Variants in FILIP1 observed in about 807,000 individuals in gnomAD.
The protein encoded by FILIP1 is filamin A interacting protein 1.
Under a neutral mutation model 102.1 loss-of-function variants are expected in FILIP1, and 61 were observed. That is an observed-to-expected ratio of 0.60 (90% CI 0.49 to 0.74). The LOEUF (loss-of-function observed/expected upper bound fraction) is 0.74. FILIP1 is among the 30% of genes least tolerant of loss of function. The probability of loss-of-function intolerance (pLI) is 0.00; values close to 1 mark genes in which losing one functional copy is unlikely to be tolerated. For missense variants in FILIP1, 1,314 were observed against 1,441.2 expected (o/e 0.91, Z 1.43); for synonymous variants, 491 against 526.9 (o/e 0.93, Z 0.93).
intron 4 of FILIP1, among the ~76,000 whole-genome samples, chr6:75,316,147 A>C (rs1363131818): frequency 6.6e-6 from 1 of 152,218 alleles, no homozygotes; most frequent in Non-Finnish European, 1.5e-5. Flanking sequence ...ATCTGTAAAA[A>C]GTAGGAATAT....
intron 1 of FILIP1, among the ~76,000 whole-genome samples, chr6:75,431,741 TG>T (rs1234064076): frequency 2.0e-5 from 3 of 152,198 alleles, no homozygotes; most frequent in Non-Finnish European, 4.4e-5. Context: ...ATTGGACTCC[TG>T]GGCCAACTGA....
Position 75,315,099 on chromosome 6 carries a change from A to C in FILIP1, c.733T>G (p.Ser245Ala), listed in dbSNP as rs762079751. The C allele has an allele frequency of 6.2e-7, 1 of 1,613,200 alleles. No homozygotes were observed. The highest frequency in any genetic ancestry group is 8.5e-7 in the Non-Finnish European group (1 of 1,179,762). The change falls in exon 5 of 6, where the codon TCC (serine) becomes GCC (alanine). Residue 245 changes from serine (S) to alanine (A), a missense_variant. By Grantham distance (99) the Ser-to-Ala change is moderately conservative. This residue lies in a region of FILIP1 where 494 missense variants were observed against 511.2 expected (regional missense o/e 0.97). Coordinates refer to ENST00000237172, the MANE Select transcript of FILIP1 (RefSeq NM_015687.5). ...TCATCCACCAGCATGAGTGCAAAGGATTTGAGTTTAACAAGCTCATCTCTT... is the reference window on the plus strand; with the variant it reads ...TCATCCACCAGCATGAGTGCAAAGGCTTTGAGTTTAACAAGCTCATCTCTT... Reference protein sequence around the residue: ...KLRDELVKLKSFALMLVDERQ... With the variant: ...KLRDELVKLKAFALMLVDERQ...
intron 1 of FILIP1, among the ~76,000 whole-genome samples, chr6:75,453,684 C>A (rs1778717830): frequency 6.6e-6 from 1 of 152,144 alleles, no homozygotes; most frequent in Non-Finnish European, 1.5e-5. Context: ...TGGTGTTATG[C>A]ACCTCTAGTC....
chr6:75,433,008 C>T (rs1328156158), intron 1 of FILIP1, among the ~76,000 whole-genome samples: 2 of 152,174 alleles, frequency 1.3e-5, no homozygotes, highest in African/African-American at 2.4e-5. Context: ...GACATGAGCT[C>T]ATCCTTTTTT....
intron 4 of FILIP1, among the ~76,000 whole-genome samples, chr6:75,325,963 T>C (rs1407619449): frequency 6.6e-6 from 1 of 152,210 alleles, no homozygotes; most frequent in Non-Finnish European, 1.5e-5. Flanking sequence ...CACATGCATA[T>C]TTTAGCAGTG....
chr6:75,401,807 C>T (rs970912229), intron 2 of FILIP1, among the ~76,000 whole-genome samples: 1 of 152,182 alleles, frequency 6.6e-6, no homozygotes, highest in Admixed American at 6.6e-5. Flanking sequence ...TCCTACCCCA[C>T]TTAACATACA....
chr6:75,363,355 A>G (rs1775231179), intron 2 of FILIP1, among the ~76,000 whole-genome samples: 1 of 152,184 alleles, frequency 6.6e-6, no homozygotes, highest in East Asian at 1.9e-4. Flanking sequence ...CCTCCATTCT[A>G]GTTATAACTT....
chr6:75,329,592 A>G (rs1004069647), intron 4 of FILIP1, among the ~76,000 whole-genome samples: 1 of 152,150 alleles, frequency 6.6e-6, no homozygotes, highest in African/African-American at 2.4e-5. Flanking sequence ...TAAGGGCATG[A>G]TAGTAATTAA....
intron 1 of FILIP1, among the ~76,000 whole-genome samples, chr6:75,468,441 A>G (rs1244399376): frequency 6.6e-6 from 1 of 152,234 alleles, no homozygotes; most frequent in African/African-American, 2.4e-5. Context: ...ATCCACAGAA[A>G]ATAATCAATT....
intron 1 of FILIP1, among the ~76,000 whole-genome samples, chr6:75,429,096 C>T (rs576271422): frequency 6.7e-6 from 1 of 149,920 alleles, no homozygotes; most frequent in Non-Finnish European, 1.5e-5. Context: ...CAGAGAAATT[C>T]TTCTCTGTAC....
At position 75,444,323 on chromosome 6, in the gene FILIP1, G is replaced by A. The variant is rs185715218; in HGVS notation, c.-6-29345C>T. Among the ~76,000 whole-genome samples the A allele has an allele frequency of 5.5e-4, 83 of 152,212 alleles. 1 individual carries two copies. The highest frequency in any genetic ancestry group is 3.4e-3 in the Middle Eastern group (1 of 294). ...TGAACCAGCTATCAATATTTGATTC[G>A]TAGTAAGTTTTGATCCTACTTGATG... On this transcript the variant is annotated intron_variant, in intron 1 of 5. Transcript: ENST00000237172.
chr6:75,296,475 T>TTTTTTTATTATTA (rs565379089), intron 6 of FILIP1: 5 of 140,396 alleles, frequency 3.6e-5, no homozygotes, highest in African/African-American at 1.3e-4. Flanking sequence ...ACTCTATATG[T>TTTTTTTATTATTA]TTATTATTAT....
chr6:75,310,253 C>T (rs1011060689), intron 5 of FILIP1, among the ~76,000 whole-genome samples: 2 of 152,238 alleles, frequency 1.3e-5, no homozygotes, highest in Non-Finnish European at 2.9e-5. Flanking sequence ...TGTGAAACCT[C>T]CACTTCTGTG....
intron 1 of FILIP1, among the ~76,000 whole-genome samples, chr6:75,418,416 T>C (rs1243307778): frequency 6.6e-6 from 1 of 152,208 alleles, no homozygotes; most frequent in Admixed American, 6.5e-5. Flanking sequence ...AGAAGCAATC[T>C]GGTCAATTAT....
At chr6:75,342,497 C>T (rs779574533) in intron 4 of FILIP1, among the ~76,000 whole-genome samples, 1 of 152,188 alleles carries the variant, frequency 6.6e-6, no homozygotes, top group Non-Finnish European at 1.5e-5. Context: ...ACAGAAACTT[C>T]ATCTTAGTTA....
At chr6:75,353,240 T>TA (rs1202025534) in intron 4 of FILIP1, among the ~76,000 whole-genome samples, 2 of 151,958 alleles carry the variant, frequency 1.3e-5, no homozygotes, top group Admixed American at 1.3e-4. Context: ...AAATACATGA[T>TA]AAAAAAATAA....
intron 1 of FILIP1, among the ~76,000 whole-genome samples, chr6:75,419,807 G>T (rs576559247): frequency 2.0e-5 from 3 of 152,132 alleles, no homozygotes; most frequent in Admixed American, 2.0e-4. Context: ...GGTTAAATCC[G>T]CATATAAATA....
At chr6:75,311,345 G>T (rs887403660) in intron 5 of FILIP1, among the ~76,000 whole-genome samples, 1 of 112,766 alleles carries the variant, frequency 8.9e-6, no homozygotes, top group African/African-American at 3.2e-5. Flanking sequence ...ACTACACCCA[G>T]CTACTTTTTT....
chr6:75,429,791 T>C (rs1483041492), intron 1 of FILIP1, among the ~76,000 whole-genome samples: 1 of 152,206 alleles, frequency 6.6e-6, no homozygotes, highest in African/African-American at 2.4e-5. Context: ...AATATGATAC[T>C]GATCTTTTAC....
Sources: allele counts gnomAD v4.1 joint callset (sites outside exome capture counted in the v4.1 genomes callset), GRCh38; gene constraint gnomAD v4.1.1; regional missense constraint gnomAD v4.1.1; transcripts MANE v1.5; gene names NCBI Gene and HGNC (gene_info 2026-07-23, HGNC 2026-07-21).